The following IWS1 variants were observed in gnomAD, a reference collection of about 807,000 sequenced individuals.
IWS1 encodes the protein interacts with SUPT6H, CTD assembly factor 1.
In IWS1, 27 loss-of-function variants were observed where a neutral mutation model predicts 86.7. That is an observed-to-expected ratio of 0.31 (90% CI 0.23 to 0.43). IWS1 has a LOEUF of 0.43. Ranked by LOEUF, IWS1 falls within the 20% of genes least tolerant of loss-of-function variation. The pLI, the probability that IWS1 is intolerant of heterozygous loss-of-function variation, is 1.00. For synonymous variants in IWS1, 313 were observed against 335.1 expected (o/e 0.93, Z 0.72); for missense variants, 827 against 1,000.8 (o/e 0.83, Z 2.34).
intron 2 of IWS1, chr2:127,506,788 C>T (rs1166546778): frequency 1.8e-5 from 3 of 167,662 alleles, no homozygotes; most frequent in African/African-American, 7.2e-5. Flanking sequence ...CATAATGTTA[C>T]TTGAAATAAT....
intron 2 of IWS1, among the ~76,000 whole-genome samples, chr2:127,512,447 C>T (rs1001930964): frequency 6.6e-5 from 10 of 152,308 alleles, no homozygotes; most frequent in African/African-American, 2.4e-4. Context: ...CCTATCTGTC[C>T]TACCACAAAA....
chr2:127,484,062 G>A (rs1335882850), intron 13 of IWS1, among the ~76,000 whole-genome samples: 1 of 152,174 alleles, frequency 6.6e-6, no homozygotes, highest in Non-Finnish European at 1.5e-5. Flanking sequence ...CCAGCACTTT[G>A]GGAGGCCGAG....
chr2:127,484,335 A>G (rs777563), intron 13 of IWS1: 1 of 151,916 alleles, frequency 6.6e-6, no homozygotes, highest in African/African-American at 2.4e-5. Context: ...AAAACAAAAA[A>G]CAAAAAACCC....
intron 2 of IWS1, among the ~76,000 whole-genome samples, chr2:127,523,453 A>G (rs190532666): frequency 1.3e-5 from 2 of 152,200 alleles, no homozygotes; most frequent in African/African-American, 4.8e-5. Context: ...AAAACTGCCT[A>G]ACATTTGAAA....
In IWS1 at chr2:127,526,352, A is replaced by C. The variant is rs533108602; in HGVS notation, c.-144T>G. 1.5e-4 allele frequency: 227 copies of C among 1,537,512 alleles called. No homozygotes were observed. The African/African-American group carries it at 2.9e-3, about 20-fold the overall frequency. On this transcript the variant is annotated 5_prime_UTR_variant, in exon 1 of 14. Coordinates refer to ENST00000295321, the MANE Select transcript of IWS1 (RefSeq NM_017969.3). The stretch of plus-strand genomic sequence containing the variant: ...AACTTAACGGGTGCGGAGGGTAAGA[A>C]AGCGGTAGCGGCAAAGGCGAATTCT...
rs1366705097 is a variant in IWS1 at position 127,523,681 on chromosome 2, A to G, written c.145T>C (p.Ser49Pro). The G allele has an allele frequency of 6.2e-7, 1 of 1,607,912 alleles. No individual in the cohort carries two copies. Residue 49 changes from serine (S) to proline (P), a missense_variant, in exon 2 of 14, where the codon TCA becomes CCA. Ser to Pro is a moderately conservative substitution (Grantham distance 74, BLOSUM62 -1). This residue lies in a region of IWS1 where 548 missense variants were observed against 560.2 expected (regional missense o/e 0.98). Transcript: ENST00000295321. ...GSDTGSVERH[S>P]ENETSDREDG... ...AGATGTTGGTTAGCCAATACCTCTG[A>G]ATGACGTTCTACACTTCCAGTGTCT...
intron 2 of IWS1, among the ~76,000 whole-genome samples, chr2:127,507,010 G>T (rs1691183413): frequency 6.6e-6 from 1 of 152,134 alleles, no homozygotes; most frequent in Admixed American, 6.5e-5. Flanking sequence ...TTCCGTGTTT[G>T]AGTATACCCT....
intron 4 of IWS1, among the ~76,000 whole-genome samples, chr2:127,503,122 T>C (rs2104697590): frequency 6.6e-6 from 1 of 152,284 alleles, no homozygotes; most frequent in Middle Eastern, 3.4e-3. Context: ...ACTGCCACCT[T>C]GACTTCCAAC....
intron 2 of IWS1, among the ~76,000 whole-genome samples, chr2:127,507,510 T>A (rs1328639389): frequency 6.6e-6 from 1 of 152,212 alleles, no homozygotes; most frequent in African/African-American, 2.4e-5. Context: ...AGCTCTATTA[T>A]CCCACTGAAA....
At chr2:127,484,025 C>T (rs868018562) in intron 13 of IWS1, among the ~76,000 whole-genome samples, 4 of 152,204 alleles carry the variant, frequency 2.6e-5, no homozygotes, top group South Asian at 2.1e-4. Context: ...AATTGTTAGC[C>T]GGGCATGGTG....
intron 13 of IWS1, among the ~76,000 whole-genome samples, chr2:127,483,934 T>C (rs1460469843): frequency 6.6e-6 from 1 of 151,316 alleles, no homozygotes; most frequent in Non-Finnish European, 1.5e-5. Flanking sequence ...CCATGAATAA[T>C]GTTTCTCTTT....
rs368191170 is a variant in IWS1 at position 127,502,930 on chromosome 2, C to A, written c.1410-58G>T. On this transcript the variant is annotated intron_variant, in intron 4 of 13. Transcript: ENST00000295321. ...TGCTTTATCCTCATTTGCATAGGAA[C>A]CATTTTTTAAAAAATAGAATTTATG... 48 of 967,406 alleles carry A rather than the reference C, an allele frequency of 5.0e-5. No individual in the cohort carries two copies. In the South Asian group the frequency reaches 5.8e-4, roughly 12 times the overall value. 59.9% of individuals were successfully genotyped at this position (967,406 alleles called of 1,614,324 possible). A position where few individuals can be genotyped will look rare whatever the true frequency, so the allele number is the denominator to read the frequency against.
intron 13 of IWS1, chr2:127,485,817 T>A (rs1347242598): frequency 6.6e-6 from 1 of 152,294 alleles, no homozygotes; most frequent in South Asian, 2.1e-4. Context: ...CACACACTTT[T>A]CACTCTGACT....
At chr2:127,486,821 C>T (rs574427469) in intron 12 of IWS1, among the ~76,000 whole-genome samples, 157 bp from the exon 13 acceptor site, 1 of 152,212 alleles carries the variant, frequency 6.6e-6, no homozygotes, top group Non-Finnish European at 1.5e-5. Context: ...ACCCTCCTGC[C>T]GCCTCCCAGC....
chr2:127,518,217 C>T (rs923021912), intron 2 of IWS1, among the ~76,000 whole-genome samples: 23 of 152,288 alleles, frequency 1.5e-4, no homozygotes, highest in African/African-American at 5.3e-4. Flanking sequence ...AAATTGATCT[C>T]AATAGAGCCC....
At position 127,505,823 on chromosome 2, in the gene IWS1, T is replaced by C; in HGVS notation, c.151-71A>G. 1.7e-5 allele frequency: 18 copies of C among 1,058,578 alleles called. No homozygotes were observed. Among genetic ancestry groups the C allele is most frequent in the Non-Finnish European group, 5.3e-6 (4 of 749,058 alleles). 65.6% of individuals were successfully genotyped at this position (1,058,578 alleles called of 1,614,324 possible). A position where few individuals can be genotyped will look rare whatever the true frequency, so the allele number is the denominator to read the frequency against. ...AAACCATTAATAATAAAACATTAAATTTTTTCTGTGATTTTTTTAAAATAC... is the reference window on the plus strand; with the variant it reads ...AAACCATTAATAATAAAACATTAAACTTTTTCTGTGATTTTTTTAAAATAC... On this transcript the variant is annotated intron_variant, in intron 2 of 13. Coordinates refer to ENST00000295321, the MANE Select transcript of IWS1 (RefSeq NM_017969.3). The surrounding 1 kb of genome is among the most constrained non-coding windows in gnomAD (Gnocchi z 5.0).
At chr2:127,502,614 C>CA (rs1222523333) in intron 5 of IWS1, 1 of 376,248 alleles carries the variant, frequency 2.7e-6, no homozygotes, top group East Asian at 3.9e-5. Flanking sequence ...CCCCTTAATT[C>CA]AATTTTGCCC....
chr2:127,501,990 G>T lies in IWS1; in HGVS notation c.1467+825C>A, dbSNP rs1282324180. Among the ~76,000 whole-genome samples the T allele has an allele frequency of 2.0e-5, 3 of 152,166 alleles. No individual in the cohort carries two copies. The South Asian group carries it at 6.2e-4, about 32-fold the overall frequency. Reference sequence around the variant, plus strand: ...TCTTATCTCCCTGAACATATTTAAGGTGGTATCTAAAATTCCTATATCTAG... The same window carrying T: ...TCTTATCTCCCTGAACATATTTAAGTTGGTATCTAAAATTCCTATATCTAG... On this transcript the variant is annotated intron_variant, in intron 5 of 13. Transcript: ENST00000295321.
Position 127,481,099 on chromosome 2 carries a change from C to CT in IWS1, c.2404dup (p.Ser802LysfsTer12). The CT allele has an allele frequency of 6.2e-7, 1 of 1,612,188 alleles. No homozygotes were observed. Among genetic ancestry groups the CT allele is most frequent in the Non-Finnish European group, 8.5e-7 (1 of 1,179,474 alleles). ...GATTTTCACTGCGTGTGCAGATCTG[C>CT]TTTTTTTCCTTATATCTGTGAACTT... On this transcript the variant is annotated frameshift_variant, in exon 14 of 14. Coordinates refer to ENST00000295321, the MANE Select transcript of IWS1 (RefSeq NM_017969.3). LOFTEE classifies it high-confidence loss of function.
Sources: allele counts gnomAD v4.1 joint callset (sites outside exome capture counted in the v4.1 genomes callset), GRCh38; gene constraint gnomAD v4.1.1; regional missense constraint gnomAD v4.1.1; non-coding constraint Gnocchi (gnomAD v3.1); transcripts MANE v1.5; gene names NCBI Gene and HGNC (gene_info 2026-07-23, HGNC 2026-07-21).